Variants in PTPRD observed in about 807,000 individuals in gnomAD.
PTPRD encodes the protein protein tyrosine phosphatase receptor type D, also known as receptor-type tyrosine-protein phosphatase delta.
PTPRD carries 34 observed loss-of-function variants against 214.5 expected under a neutral mutation model. The observed-to-expected ratio is 0.16, with a 90% CI of 0.12 to 0.21. PTPRD has a LOEUF of 0.21. PTPRD is among the 10% of genes least tolerant of loss of function. The pLI, the probability that PTPRD is intolerant of heterozygous loss-of-function variation, is 1.00. For missense variants in PTPRD, 2,545 were observed against 2,398.7 expected, an observed-to-expected ratio of 1.06 and a Z score of -1.27; for synonymous variants, 1,128 against 845.7, an observed-to-expected ratio of 1.33 and a Z score of -5.79.
At chr9:10,405,091 A>G (rs1176933410) in intron 2 of PTPRD, among the ~76,000 whole-genome samples, 2 of 13,466 alleles carry the variant, frequency 1.5e-4, no homozygotes, top group South Asian at 2.2e-3. Flanking sequence ...GCTTGGATTA[A>G]CCAACAATTA....
At chr9:8,992,782 A>T (rs2099381551) in intron 11 of PTPRD, among the ~76,000 whole-genome samples, 2 of 152,144 alleles carry the variant, frequency 1.3e-5, no homozygotes, top group Non-Finnish European at 2.9e-5. Context: ...CTGACTAGAG[A>T]TAAATTATGC....
intron 8 of PTPRD, among the ~76,000 whole-genome samples, chr9:9,508,299 G>T (rs1485054447): frequency 7.3e-5 from 11 of 151,434 alleles, no homozygotes; most frequent in Non-Finnish European, 5.9e-5. Flanking sequence ...GCAATACACA[G>T]GCACAAAAGG....
chr9:10,323,691 T>G (rs141914268), intron 3 of PTPRD, among the ~76,000 whole-genome samples: 242 of 152,082 alleles, frequency 1.6e-3, no homozygotes, highest in African/African-American at 5.6e-3. Context: ...CTGTTTAATA[T>G]GCAGTTGCTA....
At position 9,376,454 on chromosome 9, in the gene PTPRD, A is replaced by G. The variant is rs16929228; in HGVS notation, c.-203+20995T>C. On this transcript the variant is annotated intron_variant, in intron 9 of 45. Coordinates refer to ENST00000381196, the MANE Select transcript of PTPRD (RefSeq NM_002839.4). Reference sequence around the variant, plus strand: ...TGCATGCAATTATTTCATGAAATGTATTGACCTACATAGTGTTTAGGACTA... The same window carrying G: ...TGCATGCAATTATTTCATGAAATGTGTTGACCTACATAGTGTTTAGGACTA... Among the ~76,000 whole-genome samples the G allele has an allele frequency of 6.0e-3, 913 of 152,282 alleles. 5 individuals are homozygous for G. Among genetic ancestry groups the G allele is most frequent in the African/African-American group, 0.021 (883 of 41,572 alleles).
At chr9:9,224,819 G>C (rs148202041) in intron 9 of PTPRD, among the ~76,000 whole-genome samples, 139 of 152,008 alleles carry the variant, frequency 9.1e-4, no homozygotes, top group African/African-American at 3.2e-3. Flanking sequence ...CTTAAGCTAA[G>C]AGTTAATCAT....
intron 14 of PTPRD, among the ~76,000 whole-genome samples, chr9:8,617,725 G>T (rs1047642016): frequency 4.6e-5 from 7 of 152,058 alleles, no homozygotes; most frequent in African/African-American, 1.7e-4. Flanking sequence ...AAACTCTTGA[G>T]TAGATAAACT....
rs553380278 is a variant in PTPRD, at chr9:9,704,952, T to A, written c.-287+29581A>T. 7.2e-5 allele frequency among the ~76,000 whole-genome samples: 11 copies of A among 152,296 alleles called. No individual in the cohort carries two copies. In the South Asian group the frequency reaches 2.3e-3, roughly 32 times the overall value. On this transcript the variant is annotated intron_variant, in intron 7 of 45. Coordinates refer to ENST00000381196, the MANE Select transcript of PTPRD (RefSeq NM_002839.4). The stretch of plus-strand genomic sequence containing the variant: ...TGACCCCAAAATTTATAAGAAAAAG[T>A]AAAATGACTGTTTTAAGCCACTAAA...
At chr9:8,852,421 C>G (rs537750641) in intron 11 of PTPRD, among the ~76,000 whole-genome samples, 1 of 152,250 alleles carries the variant, frequency 6.6e-6, no homozygotes, top group Non-Finnish European at 1.5e-5. Context: ...CCTTTCTGGT[C>G]AATGAATTCA....
Position 8,524,935 on chromosome 9 carries a change from T to C in PTPRD, c.669A>G (p.Leu223=), listed in dbSNP as rs756068770. ...TTATGTCATTCCTACCTCTGACATA[T>C]AAATTGGCAGGAGCGGAATAGCGAG... The part of the protein sequence containing the change: ...AGTRYSAPAN[L]YVRELREVRR... Residue 223 remains leucine, a synonymous_variant, in exon 18 of 46, where the codon TTA becomes TTG. Coordinates refer to ENST00000381196, the MANE Select transcript of PTPRD (RefSeq NM_002839.4). 2.5e-6 allele frequency: 4 copies of C among 1,613,426 alleles called. No individual in the cohort carries two copies. The highest frequency in any genetic ancestry group is 4.5e-5 in the East Asian group (2 of 44,860).
rs35323852 is a variant in PTPRD, at chr9:9,947,636, T to TTATA, written c.-471-9030_-471-9027dup. Among the ~76,000 whole-genome samples, 355 of 70,220 alleles carry TTATA rather than the reference T, an allele frequency of 5.1e-3. 10 individuals are homozygous for TTATA. The highest frequency in any genetic ancestry group is 0.018 in the African/African-American group (305 of 17,336). 46.1% of individuals were successfully genotyped at this position (70,220 alleles called of 152,430 possible). ...TATATATATATTTTAAATATATATT[T>TTATA]TATATATATATATATACACCATGGC... is the stretch of plus-strand genomic sequence containing the variant. On this transcript the variant is annotated intron_variant, in intron 4 of 45. Coordinates refer to ENST00000381196, the MANE Select transcript of PTPRD (RefSeq NM_002839.4).
intron 2 of PTPRD, among the ~76,000 whole-genome samples, chr9:10,411,003 G>A (rs2098428631): frequency 6.6e-6 from 1 of 151,732 alleles, no homozygotes. Flanking sequence ...GAATAAATAA[G>A]AAAATTTGAG....
intron 3 of PTPRD, among the ~76,000 whole-genome samples, chr9:10,106,544 A>T (rs55737705): frequency 0.052 from 7,970 of 152,032 alleles, 265 homozygotes; most frequent in Admixed American, 0.099. Context: ...GTTCTAAACA[A>T]AATGAAACAA....
At chr9:8,780,194 T>C (rs1266328407) in intron 11 of PTPRD, among the ~76,000 whole-genome samples, 7 of 152,186 alleles carry the variant, frequency 4.6e-5, no homozygotes, top group Admixed American at 3.9e-4. Context: ...TTATAAAGTA[T>C]AATACCTTGT....
At chr9:8,663,458 C>T (rs953614636) in intron 12 of PTPRD, among the ~76,000 whole-genome samples, 9 of 150,974 alleles carry the variant, frequency 6.0e-5, no homozygotes, top group African/African-American at 9.8e-5. Flanking sequence ...AAAAGCATAG[C>T]TGTGATTGAG....
chr9:10,493,250 C>A (rs766097152), intron 2 of PTPRD, among the ~76,000 whole-genome samples: 6 of 151,866 alleles, frequency 4.0e-5, no homozygotes, highest in Non-Finnish European at 8.8e-5. Flanking sequence ...AAAAACTACA[C>A]TAATTTCACA....
intron 2 of PTPRD, among the ~76,000 whole-genome samples, chr9:10,478,429 A>T (rs2099076873): frequency 6.6e-6 from 1 of 152,126 alleles, no homozygotes; most frequent in African/African-American, 2.4e-5. Flanking sequence ...CGTATCTGGA[A>T]ACTACTTAGC....
intron 9 of PTPRD, among the ~76,000 whole-genome samples, chr9:9,324,300 C>T (rs1258337948): frequency 6.6e-6 from 1 of 152,148 alleles, no homozygotes; most frequent in Non-Finnish European, 1.5e-5. Flanking sequence ...GTTTACATTC[C>T]CACCAACAGT....
At chr9:9,880,726 T>C (rs1032399008) in intron 5 of PTPRD, among the ~76,000 whole-genome samples, 6 of 152,266 alleles carry the variant, frequency 3.9e-5, no homozygotes, top group Admixed American at 2.0e-4. Context: ...TAGTAAAAGA[T>C]CTTTTTAAGC....
Position 9,658,551 on chromosome 9 carries a change from C to T in PTPRD, c.-287+75982G>A, listed in dbSNP as rs10977918. Among the ~76,000 whole-genome samples, 1,156 of 152,212 alleles carry T rather than the reference C, an allele frequency of 7.6e-3. 5 individuals carry two copies. The highest frequency in any genetic ancestry group is 0.013 in the Non-Finnish European group (880 of 67,988). On this transcript the variant is annotated intron_variant, in intron 7 of 45. Coordinates refer to ENST00000381196, the MANE Select transcript of PTPRD (RefSeq NM_002839.4). Reference sequence around the variant, plus strand: ...CTAGAGTTCATACTTGGGAAGCAGCCTCGATCTCTCCAAGAAGATCACTTG... The same window carrying T: ...CTAGAGTTCATACTTGGGAAGCAGCTTCGATCTCTCCAAGAAGATCACTTG...
Sources: gnomAD v4.1 joint callset for allele counts (sites outside exome capture counted in the v4.1 genomes callset) on GRCh38, gnomAD v4.1.1 for gene constraint, MANE v1.5 for transcripts, NCBI Gene and HGNC (gene_info 2026-07-23, HGNC 2026-07-21) for gene names.